Variants in BRD8 observed in about 807,000 individuals in gnomAD.
BRD8 encodes bromodomain containing 8, also known as bromodomain-containing protein 8.
In BRD8, 67 loss-of-function variants were observed where a neutral mutation model predicts 143.1. The ratio of observed to expected loss-of-function variants is 0.47; its 90% CI spans 0.38 to 0.57. The LOEUF (loss-of-function observed/expected upper bound fraction) is 0.57. Ranked by LOEUF, BRD8 falls within the 20% of genes least tolerant of loss-of-function variation. BRD8 has a pLI of 0.00. For synonymous variants in BRD8, 505 were observed against 517.1 expected, an observed-to-expected ratio of 0.98 and a Z score of 0.32; for missense variants, 1,103 against 1,503.0, an observed-to-expected ratio of 0.73 and a Z score of 4.40.
Position 138,169,209 on chromosome 5 carries a change from G to A in BRD8, c.642+13C>T, listed in dbSNP as rs764184093. The stretch of plus-strand genomic sequence containing the variant: ...CTTCACTGATCAATTCCCACAGATG[G>A]AAATATACTCACCCCAGAGGTAGCC... On this transcript the variant is annotated intron_variant, in intron 8 of 26. Coordinates refer to ENST00000254900, the MANE Select transcript of BRD8 (RefSeq NM_139199.2). The A allele has an allele frequency of 9.9e-6, 16 of 1,612,292 alleles. No individual in the cohort carries two copies. Among genetic ancestry groups the A allele is most frequent in the Middle Eastern group, 1.7e-4 (1 of 5,934 alleles).
In BRD8 at chr5:138,160,143, T is replaced by C; in HGVS notation, c.2458A>G (p.Thr820Ala). 1 of 1,614,170 alleles carries C rather than the reference T, an allele frequency of 6.2e-7. No homozygotes were observed. The highest frequency in any genetic ancestry group is 8.5e-7 in the Non-Finnish European group (1 of 1,180,018). The change falls in exon 19 of 27, where the codon ACA becomes GCA. Residue 820 changes from threonine to alanine, a missense_variant. Physicochemically the swap from Thr to Ala is moderately conservative, Grantham distance 58. Around this residue, in one of 7 missense-constraint regions of BRD8, gnomAD observed 64 missense variants for 211.3 expected, o/e 0.30. Coordinates refer to ENST00000254900, the MANE Select transcript of BRD8 (RefSeq NM_139199.2). The part of the protein sequence containing the change: ...QFLATQLIMQ[T>A]SESGISAKSL... Reference sequence around the variant, plus strand: ...TTAGCACTGATCCCAGACTCGGATGTTTGCATAATCAACTGCGTGGCCAAG... The same window carrying C: ...TTAGCACTGATCCCAGACTCGGATGCTTGCATAATCAACTGCGTGGCCAAG...
At chr5:138,160,842 A>G in intron 18 of BRD8, 49 bp downstream of exon 18, 2 of 1,502,488 alleles carry the variant, frequency 1.3e-6, no homozygotes, top group Non-Finnish European at 1.8e-6. Flanking sequence ...CCTCCCCTTG[A>G]AGTATTTTAA....
intron 19 of BRD8, 30 bp downstream of exon 19, chr5:138,160,039 G>T: frequency 6.5e-7 from 1 of 1,544,098 alleles, no homozygotes; most frequent in Non-Finnish European, 9.0e-7. Flanking sequence ...CTGGAACACT[G>T]GCACACAGGT....
chr5:138,168,659 T>C (rs1339914107), intron 8 of BRD8: 3 of 1,601,020 alleles, frequency 1.9e-6, no homozygotes, highest in South Asian at 2.2e-5. Flanking sequence ...ACGAGGTGAC[T>C]GGGGTACTCG....
intron 2 of BRD8, among the ~76,000 whole-genome samples, chr5:138,176,184 T>G (rs1754319019): frequency 6.6e-6 from 1 of 151,378 alleles, no homozygotes. Context: ...ACATGCTACA[T>G]AAGAATGAAC....
At chr5:138,169,405 A>AT in intron 7 of BRD8, 47 bp from the exon 8 acceptor site, 1 of 1,595,212 alleles carries the variant, frequency 6.3e-7, no homozygotes, top group South Asian at 1.1e-5. Context: ...GATTAAATAA[A>AT]TGAAACTTGA....
At chr5:138,147,071 T>C (rs902682500) in intron 23 of BRD8, among the ~76,000 whole-genome samples, 4 of 150,110 alleles carry the variant, frequency 2.7e-5, no homozygotes, top group African/African-American at 7.4e-5. Context: ...ACTTAAGGAG[T>C]TAAAGAAAAG....
intron 3 of BRD8, 100 bp from the exon 4 acceptor site, chr5:138,171,510 A>T (rs756548936): frequency 2.6e-5 from 20 of 777,448 alleles, no homozygotes; most frequent in Non-Finnish European, 4.0e-5. Context: ...TAGAGAAGAG[A>T]ACTATATGTA....
chr5:138,178,471 G>A (rs1581473860), intron 1 of BRD8, 125 bp downstream of exon 1: 7 of 900,260 alleles, frequency 7.8e-6, no homozygotes, highest in South Asian at 1.3e-5. Flanking sequence ...GTAGAGCGCA[G>A]GTCTCTGAAA....
rs187066154 is a variant in BRD8 at position 138,146,459 on chromosome 5, G to A, written c.3279-581C>T. ...CAGCCTCAACCTGCTGGGCTCAAGC[G>A]ATCCTCCTGCCTCAGCCTCCCAAGT... On this transcript the variant is annotated intron_variant, in intron 23 of 26. Transcript: ENST00000254900. Among the ~76,000 whole-genome samples, 9 of 151,724 alleles carry A rather than the reference G, an allele frequency of 5.9e-5. No homozygotes were observed. The East Asian group carries it at 1.2e-3, about 20-fold the overall frequency.
At chr5:138,156,205 T>C (rs1406913959) in intron 20 of BRD8, among the ~76,000 whole-genome samples, 1 of 151,512 alleles carries the variant, frequency 6.6e-6, no homozygotes, top group Non-Finnish European at 1.5e-5. Flanking sequence ...AGTGACGCGA[T>C]CTCAGCTCAC....
At chr5:138,161,427 C>T (rs923493597) in intron 17 of BRD8, among the ~76,000 whole-genome samples, 2 of 152,082 alleles carry the variant, frequency 1.3e-5, no homozygotes, top group African/African-American at 4.8e-5. Flanking sequence ...CAATCCTTCC[C>T]ACCTCAGCCT....
At chr5:138,167,875 G>T in intron 9 of BRD8, 59 bp downstream of exon 9, 1 of 1,468,196 alleles carries the variant, frequency 6.8e-7, no homozygotes, top group Non-Finnish European at 9.5e-7. Context: ...GTGAAACTGA[G>T]GTCAGTCAAT....
At position 138,164,922 on chromosome 5, in the gene BRD8, A is replaced by G. The variant is rs1196749379; in HGVS notation, c.1523T>C (p.Ile508Thr). The change falls in exon 12 of 27, where the codon ATC becomes ACC. Residue 508 changes from isoleucine (I) to threonine (T), a missense_variant. By Grantham distance (89) the Ile-to-Thr change is moderately conservative. This residue lies in a region of BRD8 where 139 missense variants were observed against 139.0 expected (regional missense o/e 1.00). Transcript: ENST00000254900. Reference protein sequence around the residue: ...LVDIREPSAEIKVEPAEPEPV... With the variant: ...LVDIREPSAETKVEPAEPEPV... ...CTCTGGTTCTGCAGGTTCCACCTTG[A>G]TCTCTGCACTGGGCTCCCTGATGTC... The G allele has an allele frequency of 6.2e-7, 1 of 1,614,044 alleles. No homozygotes were observed.
At chr5:138,174,384 CAGG>C (rs373024126) in intron 2 of BRD8, among the ~76,000 whole-genome samples, 11 of 152,042 alleles carry the variant, frequency 7.2e-5, no homozygotes, top group African/African-American at 2.4e-4. Flanking sequence ...CATCTGAGGT[CAGG>C]AGTTCAAGAC....
chr5:138,173,267 G>A (rs1369370185), intron 2 of BRD8, among the ~76,000 whole-genome samples: 6 of 151,600 alleles, frequency 4.0e-5, no homozygotes, highest in African/African-American at 7.3e-5. Context: ...GCATGGTGGC[G>A]TGCACCTTTA....
intron 20 of BRD8, among the ~76,000 whole-genome samples, chr5:138,153,269 T>C (rs1358228506): frequency 6.6e-6 from 1 of 152,362 alleles, no homozygotes; most frequent in East Asian, 1.9e-4. Context: ...CAAATTGATG[T>C]TGAGAAACAT....
At chr5:138,167,019 G>A (rs1477265435) in intron 9 of BRD8, 1 of 235,604 alleles carries the variant, frequency 4.2e-6, no homozygotes, top group Non-Finnish European at 8.4e-6. Context: ...GCCGAGGCAG[G>A]TGGGTCACTT....
At position 138,152,562 on chromosome 5, in the gene BRD8, C is replaced by A. The variant is rs1471150599; in HGVS notation, c.2776G>T (p.Val926Phe). The A allele has an allele frequency of 2.5e-6, 4 of 1,614,210 alleles. No homozygotes were observed. In the East Asian group the frequency reaches 8.9e-5, roughly 36 times the overall value. ...SPEREPSELL[V>F]GDGGSEESQE... ...GATTCCTCACTGCCTCCATCCCCAA[C>A]AAGCAGTTCACTAGGTTCTCTCTCC... The change falls in exon 21 of 27, where the codon GTT (valine) becomes TTT (phenylalanine). Residue 926 changes from valine (V) to phenylalanine (F), a missense_variant. Val to Phe is a conservative substitution (Grantham distance 50, BLOSUM62 -1). Coordinates refer to ENST00000254900, the MANE Select transcript of BRD8 (RefSeq NM_139199.2).
Sources: gnomAD v4.1 joint callset for allele counts (sites outside exome capture counted in the v4.1 genomes callset) on GRCh38, gnomAD v4.1.1 for gene constraint, gnomAD v4.1.1 regional missense constraint, MANE v1.5 for transcripts, NCBI Gene and HGNC (gene_info 2026-07-23, HGNC 2026-07-21) for gene names.